CSMD1: variants seen among roughly 807,000 people sequenced by gnomAD.
CSMD1 encodes CUB and Sushi multiple domains 1.
CSMD1 carries 213 observed loss-of-function variants against 417.5 expected under a neutral mutation model. The ratio of observed to expected loss-of-function variants is 0.51; its 90% CI spans 0.46 to 0.57. The LOEUF (loss-of-function observed/expected upper bound fraction) is 0.57. Among genes scored for constraint, CSMD1 ranks in the 20% least tolerant of loss-of-function variants. CSMD1 has a pLI of 0.00. For missense variants in CSMD1, 6,923 were observed against 4,529.7 expected (o/e 1.53, Z -15.17); for synonymous variants, 2,862 against 1,736.8 (o/e 1.65, Z -16.11).
intron 5 of CSMD1, among the ~76,000 whole-genome samples, chr8:3,842,187 A>G (rs778241792): frequency 5.1e-4 from 77 of 152,246 alleles, no homozygotes; most frequent in South Asian, 2.1e-4. Context: ...TCCTAGCATC[A>G]TTGTAATATT....
intron 3 of CSMD1, among the ~76,000 whole-genome samples, chr8:4,355,131 G>T (rs889466642): frequency 6.6e-6 from 1 of 151,798 alleles, no homozygotes; most frequent in East Asian, 1.9e-4. Context: ...GCGTGGTGGC[G>T]GGCGCCTGCA....
At chr8:4,918,309 A>G (rs557396326) in intron 1 of CSMD1, among the ~76,000 whole-genome samples, 2 of 152,306 alleles carry the variant, frequency 1.3e-5, no homozygotes, top group Admixed American at 6.5e-5. Context: ...AGCTTCGAAA[A>G]TCACAAAGTG....
chr8:3,587,088 C>A (rs1800635739), intron 8 of CSMD1, among the ~76,000 whole-genome samples: 1 of 152,242 alleles, frequency 6.6e-6, no homozygotes, highest in African/African-American at 2.4e-5. Flanking sequence ...GCGTGAGCCA[C>A]TGCACCCACC....
At chr8:3,272,843 G>A (rs899529375) in intron 26 of CSMD1, among the ~76,000 whole-genome samples, 2 of 150,514 alleles carry the variant, frequency 1.3e-5, no homozygotes, top group Non-Finnish European at 2.9e-5. Context: ...TGAGACAGTG[G>A]GGTTTTCCAG....
At chr8:3,956,087 T>C (rs140539203) in intron 5 of CSMD1, among the ~76,000 whole-genome samples, 335 of 152,322 alleles carry the variant, frequency 2.2e-3, no homozygotes, top group African/African-American at 7.7e-3. Context: ...TTAGCCACCG[T>C]GCTCGGCCAG....
rs533939602 is a variant in CSMD1, at chr8:3,094,080, A to AG, written c.7139-2419dup. Among the ~76,000 whole-genome samples the AG allele has an allele frequency of 1.3e-3, 126 of 95,948 alleles. 1 individual carries two copies. In the South Asian group the frequency reaches 0.015, roughly 11 times the overall value. The allele number at this position is 95,948 out of a possible 152,430, so 62.9% of individuals were successfully genotyped here. A position where few individuals can be genotyped will look rare whatever the true frequency, so the allele number is the denominator to read the frequency against. On this transcript the variant is annotated intron_variant, in intron 47 of 69. Transcript: ENST00000635120. ...TGACAGAACTCAAGAGTAGAGTTTT[A>AG]GGGTTTTTTTTATTTTATTTTATTT...
chr8:3,103,089 G>A (rs559949358), intron 46 of CSMD1, among the ~76,000 whole-genome samples: 1 of 152,280 alleles, frequency 6.6e-6, no homozygotes, highest in Admixed American at 6.5e-5. Context: ...AAGGTCTTCA[G>A]CACTCAGACC....
intron 3 of CSMD1, among the ~76,000 whole-genome samples, chr8:4,045,287 A>G (rs1380620896): frequency 6.6e-6 from 1 of 152,206 alleles, no homozygotes. Flanking sequence ...CACATATACT[A>G]CAGGAATTCT....
At chr8:3,574,227 T>C (rs1003862099) in intron 10 of CSMD1, among the ~76,000 whole-genome samples, 1 of 152,160 alleles carries the variant, frequency 6.6e-6, no homozygotes, top group African/African-American at 2.4e-5. Flanking sequence ...AGAAAACAAT[T>C]CAAAAGACAG....
At chr8:4,805,191 T>C (rs66776923) in intron 1 of CSMD1, among the ~76,000 whole-genome samples, 8,366 of 152,296 alleles carry the variant, frequency 0.055, 286 homozygotes, top group African/African-American at 0.088. Context: ...TATAGAGAGA[T>C]AATATCTGCG....
chr8:4,969,864 T>C (rs1315187265), intron 1 of CSMD1, among the ~76,000 whole-genome samples: 2 of 151,528 alleles, frequency 1.3e-5, no homozygotes, highest in African/African-American at 4.8e-5. Context: ...ACAAGTAGGA[T>C]ATAGTGTCAC....
At position 3,997,907 on chromosome 8, in the gene CSMD1, T is replaced by C. The variant is rs763116722; in HGVS notation, c.814A>G (p.Ile272Val). 1 of 1,611,644 alleles carries C rather than the reference T, an allele frequency of 6.2e-7. No individual in the cohort carries two copies. Among genetic ancestry groups the C allele is most frequent in the Non-Finnish European group, 8.5e-7 (1 of 1,178,844 alleles). ...GCATCTCTTCCCGGGACTTACCATA[T>C]GGATGGAGCTTCCGTGCCACTGATC... ...LEISGTEAPS[I>V]WLTGMNLPSP... is the part of the protein sequence containing the mutation. Residue 272 changes from isoleucine (I) to valine (V), a missense_variant, in exon 5 of 70, where the codon ATA becomes GTA. By Grantham distance (29) the Ile-to-Val change is conservative (BLOSUM62 3). Coordinates refer to ENST00000635120, the MANE Select transcript of CSMD1 (RefSeq NM_033225.6).
At chr8:4,782,915 T>C (rs78367292) in intron 1 of CSMD1, among the ~76,000 whole-genome samples, 14,190 of 151,734 alleles carry the variant, frequency 0.094, 855 homozygotes, top group Middle Eastern at 0.13. Flanking sequence ...AGTGCCATAT[T>C]TGGATTCTTA....
In CSMD1 at chr8:3,906,425, G is replaced by GTA. The variant is rs1808117234; in HGVS notation, c.818+91476_818+91477dup. On this transcript the variant is annotated intron_variant, in intron 5 of 69. Transcript: ENST00000635120. Reference sequence around the variant, plus strand: ...CTGTTTTTAACGAACATGATATATAGTAATGTTTAATGCCTTAGAAATCAT... The same window carrying GTA: ...CTGTTTTTAACGAACATGATATATAGTATAATGTTTAATGCCTTAGAAATCAT... 2.6e-5 allele frequency among the ~76,000 whole-genome samples: 4 copies of GTA among 152,212 alleles called. No homozygotes were observed. In the South Asian group the frequency reaches 8.3e-4, roughly 32 times the overall value.
intron 3 of CSMD1, among the ~76,000 whole-genome samples, chr8:4,290,087 C>A (rs1353371777): frequency 6.6e-6 from 1 of 152,142 alleles, no homozygotes; most frequent in African/African-American, 2.4e-5. Context: ...TTTATAGTGG[C>A]ATACAGATGT....
chr8:4,833,211 A>C (rs1410247775), intron 1 of CSMD1, among the ~76,000 whole-genome samples: 3 of 152,212 alleles, frequency 2.0e-5, no homozygotes, highest in East Asian at 3.8e-4. Flanking sequence ...TTTATAAAGA[A>C]AAGTGGATTA....
chr8:3,624,783 CAAT>C (rs1221175320), intron 7 of CSMD1, among the ~76,000 whole-genome samples: 1 of 152,170 alleles, frequency 6.6e-6, no homozygotes, highest in Non-Finnish European at 1.5e-5. Flanking sequence ...AATATGTCAA[CAAT>C]GACAGCTTTT....
At chr8:4,884,966 C>T (rs1234565839) in intron 1 of CSMD1, among the ~76,000 whole-genome samples, 2 of 152,096 alleles carry the variant, frequency 1.3e-5, no homozygotes, top group Non-Finnish European at 2.9e-5. Context: ...TGAAATCTCC[C>T]AACACAGAAA....
intron 3 of CSMD1, among the ~76,000 whole-genome samples, chr8:4,338,188 G>C (rs1585261075): frequency 1.3e-5 from 2 of 152,200 alleles, no homozygotes; most frequent in East Asian, 1.9e-4. Context: ...ACTAATGCAA[G>C]AGTTAGATTA....
Sources: allele counts gnomAD v4.1 joint callset (sites outside exome capture counted in the v4.1 genomes callset), GRCh38; gene constraint gnomAD v4.1.1; transcripts MANE v1.5; gene names NCBI Gene and HGNC (gene_info 2026-07-23, HGNC 2026-07-21).